The following CYP2J2 variants were observed in gnomAD, a reference collection of about 807,000 sequenced individuals.
The protein encoded by CYP2J2 is cytochrome P450 family 2 subfamily J member 2, also known as cytochrome P450 2J2.
Under a neutral mutation model 48.8 loss-of-function variants are expected in CYP2J2, and 41 were observed. That is an observed-to-expected ratio of 0.84 (90% CI 0.66 to 1.09). CYP2J2 has a LOEUF of 1.09. Ranked by LOEUF, CYP2J2 falls within the 50% of genes least tolerant of loss-of-function variation. CYP2J2 has a pLI of 0.00. For synonymous variants in CYP2J2, 221 were observed against 227.1 expected (o/e 0.97, Z 0.24); for missense variants, 644 against 617.3 (o/e 1.04, Z -0.46).
At position 59,893,406 on chromosome 1, in the gene CYP2J2, C is replaced by A. The variant is rs1644240273; in HGVS notation, c.*245G>T. The A allele has an allele frequency of 1.0e-5, 4 of 392,434 alleles. No individual in the cohort carries two copies. Among genetic ancestry groups the A allele is most frequent in the Middle Eastern group, 6.7e-4 (1 of 1,496 alleles). The allele number at this position is 392,434 out of a possible 1,614,324, so 24.3% of individuals were successfully genotyped here. On this transcript the variant is annotated 3_prime_UTR_variant, in exon 9 of 9. Transcript: ENST00000371204. ...CAAGAACTTTCTTTATGGAAGGAAACATTATCCTCTTTTCATCTCCTAGAT... is the reference window on the plus strand; with the variant it reads ...CAAGAACTTTCTTTATGGAAGGAAAAATTATCCTCTTTTCATCTCCTAGAT...
chr1:59,933,910 CA>C, the CYP2J2 span, among the ~76,000 whole-genome samples: 1 of 152,046 alleles, frequency 6.6e-6, no homozygotes, highest in Non-Finnish European at 1.5e-5. Context: ...TATGGACCTA[CA>C]AAAGACCCTG....
chr1:59,932,032 T>C, the CYP2J2 span, among the ~76,000 whole-genome samples: 2 of 152,146 alleles, frequency 1.3e-5, no homozygotes. Context: ...TGTATTATTT[T>C]TACTAAGTAG....
the CYP2J2 span, among the ~76,000 whole-genome samples, chr1:59,957,528 C>T: frequency 6.6e-6 from 1 of 152,120 alleles, no homozygotes; most frequent in East Asian, 1.9e-4. Flanking sequence ...AGCTGCTACA[C>T]TAAAACCAGG....
the CYP2J2 span, among the ~76,000 whole-genome samples, chr1:59,950,630 T>C: frequency 5.2e-4 from 79 of 152,288 alleles, no homozygotes; most frequent in Middle Eastern, 3.4e-3. Context: ...CCCCCGACCA[T>C]AGTGGCTTGA....
chr1:59,905,019 C>T lies in CYP2J2; in HGVS notation c.1043G>A (p.Gly348Glu). 6.2e-7 allele frequency: 1 copy of T among 1,613,882 alleles called. No individual in the cohort carries two copies. The highest frequency in any genetic ancestry group is 1.1e-5 in the South Asian group (1 of 91,012). Residue 348 changes from glycine (G) to glutamate (E), a missense_variant, in exon 7 of 9, where the codon GGG becomes GAG. Physicochemically the swap from Gly to Glu is moderately conservative, Grantham distance 98. Transcript: ENST00000371204. ...CCGGGCGGCTGTGCTCGGCTGCTGC[C>T]CCTGGCCAATCACTCTGTCAATCTC... is the stretch of plus-strand genomic sequence containing the variant. ...QAEIDRVIGQ[G>E]QQPSTAARES...
At chr1:59,930,138 A>G (rs1042904847), upstream of CYP2J2, among the ~76,000 whole-genome samples, 4 of 152,218 alleles carry the variant, frequency 2.6e-5, no homozygotes, top group African/African-American at 9.6e-5. Context: ...AAGAAAAGAA[A>G]AAAACTCAGA....
the CYP2J2 span, among the ~76,000 whole-genome samples, chr1:59,946,192 G>GATCTA: frequency 6.6e-6 from 1 of 152,276 alleles, no homozygotes; most frequent in African/African-American, 2.4e-5. Flanking sequence ...TCTCTGACTT[G>GATCTA]ATCTAGGATT....
At chr1:59,930,197 A>G (rs1212215468), upstream of CYP2J2, among the ~76,000 whole-genome samples, 1 of 152,188 alleles carries the variant, frequency 6.6e-6, no homozygotes, top group Non-Finnish European at 1.5e-5. Context: ...TTTTGTGAAT[A>G]CTGCTGCTAC....
At chr1:59,918,812 C>T (rs567788952) in intron 1 of CYP2J2, among the ~76,000 whole-genome samples, 16 of 151,352 alleles carry the variant, frequency 1.1e-4, no homozygotes, top group Non-Finnish European at 2.1e-4. Context: ...CAAACAAAAG[C>T]AATAGGAGAC....
intron 1 of CYP2J2, among the ~76,000 whole-genome samples, chr1:59,925,104 T>C (rs1644553109): frequency 6.6e-6 from 1 of 152,136 alleles, no homozygotes; most frequent in African/African-American, 2.4e-5. Context: ...GACATGATAA[T>C]CTTAAATGTG....
the CYP2J2 span, among the ~76,000 whole-genome samples, chr1:59,961,422 GAT>G: frequency 4.6e-5 from 7 of 152,146 alleles, no homozygotes; most frequent in Admixed American, 1.3e-4. Flanking sequence ...ACTACAGTGA[GAT>G]ATTACTTCAC....
At chr1:59,923,304 C>G (rs1644534223) in intron 1 of CYP2J2, among the ~76,000 whole-genome samples, 2 of 152,038 alleles carry the variant, frequency 1.3e-5, no homozygotes, top group African/African-American at 4.8e-5. Context: ...GAACTGCCAC[C>G]CACAAAAGTG....
At chr1:59,918,201 C>A (rs1485483989) in intron 1 of CYP2J2, among the ~76,000 whole-genome samples, 1 of 151,976 alleles carries the variant, frequency 6.6e-6, no homozygotes, top group Non-Finnish European at 1.5e-5. Context: ...TTTAATGTAC[C>A]CTTGCTGAAT....
the CYP2J2 span, among the ~76,000 whole-genome samples, chr1:59,965,015 T>C: frequency 6.6e-6 from 1 of 152,368 alleles, no homozygotes; most frequent in Admixed American, 6.5e-5. Flanking sequence ...AGACTGAGGA[T>C]ATATCCTGAG....
the CYP2J2 span, among the ~76,000 whole-genome samples, chr1:59,959,362 A>G: frequency 0.076 from 11,494 of 151,756 alleles, 467 homozygotes; most frequent in African/African-American, 0.11. Context: ...GATTCCTTAC[A>G]TAACTAAAAG....
At chr1:59,898,050 T>G (rs2102103909) in intron 8 of CYP2J2, among the ~76,000 whole-genome samples, 1 of 152,336 alleles carries the variant, frequency 6.6e-6, no homozygotes, top group East Asian at 1.9e-4. Flanking sequence ...GATAAATTTT[T>G]TGCCTTCTAT....
At chr1:59,935,311 A>C in the CYP2J2 span, among the ~76,000 whole-genome samples, 1 of 152,112 alleles carries the variant, frequency 6.6e-6, no homozygotes, top group African/African-American at 2.4e-5. Context: ...AAGACATATA[A>C]GTTTGGAGAC....
chr1:59,936,128 A>G, the CYP2J2 span, among the ~76,000 whole-genome samples: 1 of 152,188 alleles, frequency 6.6e-6, no homozygotes, highest in Non-Finnish European at 1.5e-5. Context: ...TATGTGCTGA[A>G]TGTCATAATG....
upstream of CYP2J2, among the ~76,000 whole-genome samples, chr1:59,927,515 A>G (rs1484493811): frequency 6.6e-6 from 1 of 152,188 alleles, no homozygotes; most frequent in African/African-American, 2.4e-5. Context: ...AACATGAAAC[A>G]TAGCTCAGGA....
Sources: allele counts gnomAD v4.1 joint callset (sites outside exome capture counted in the v4.1 genomes callset), GRCh38; gene constraint gnomAD v4.1.1; transcripts MANE v1.5; gene names NCBI Gene and HGNC (gene_info 2026-07-23, HGNC 2026-07-21).